The following DIPK1A variants were observed in gnomAD, a reference collection of about 807,000 sequenced individuals.
The protein encoded by DIPK1A is divergent protein kinase domain 1A.
A neutral mutation model predicts 40.8 loss-of-function variants in DIPK1A; 27 were observed. The ratio of observed to expected loss-of-function variants is 0.66; its 90% CI spans 0.49 to 0.91. The LOEUF (loss-of-function observed/expected upper bound fraction) is 0.91, where lower values mean the gene tolerates loss of function less well. DIPK1A is among the 40% of genes least tolerant of loss of function. DIPK1A has a pLI of 0.00. For missense variants in DIPK1A, 412 were observed against 505.7 expected (o/e 0.81, Z 1.78); for synonymous variants, 166 against 171.3 (o/e 0.97, Z 0.24).
chr1:92,865,041 C>CAAAAAAAAA (rs56735279), intron 2 of DIPK1A, among the ~76,000 whole-genome samples: 2 of 70,448 alleles, frequency 2.8e-5, no homozygotes, highest in African/African-American at 5.9e-5. Context: ...GACTCCGTCT[C>CAAAAAAAAA]AAAAAAAAAA....
chr1:92,840,030 T>A (rs1332099161), downstream of DIPK1A, among the ~76,000 whole-genome samples: 1 of 151,378 alleles, frequency 6.6e-6, no homozygotes, highest in Non-Finnish European at 1.5e-5. Flanking sequence ...TTTTTTTAAT[T>A]TTTGGTAGAG....
chr1:92,946,815 T>C (rs1651383589), intron 1 of DIPK1A, among the ~76,000 whole-genome samples: 1 of 151,912 alleles, frequency 6.6e-6, no homozygotes, highest in South Asian at 2.1e-4. Flanking sequence ...CTGGTGGCAC[T>C]TGTCTATGGT....
At chr1:92,891,216 T>G (rs1312644098) in intron 1 of DIPK1A, among the ~76,000 whole-genome samples, 4 of 152,112 alleles carry the variant, frequency 2.6e-5, no homozygotes, top group Admixed American at 2.6e-4. Flanking sequence ...CTCTTTTTTC[T>G]TGGTTAGTCC....
intron 3 of DIPK1A, among the ~76,000 whole-genome samples, chr1:92,847,678 A>G (rs981655180): frequency 8.5e-5 from 13 of 152,210 alleles, no homozygotes; most frequent in African/African-American, 2.9e-4. Flanking sequence ...ATTAACTACT[A>G]TTTAAGTATC....
At chr1:92,896,121 C>T (rs1286194167) in intron 1 of DIPK1A, among the ~76,000 whole-genome samples, 1 of 152,164 alleles carries the variant, frequency 6.6e-6, no homozygotes, top group Non-Finnish European at 1.5e-5. Context: ...ATCAAGCTAC[C>T]AATGACTTTC....
rs181812622 is a variant in DIPK1A, at chr1:92,867,296, C to T, written c.189+9000G>A. 2.2e-3 allele frequency among the ~76,000 whole-genome samples: 337 copies of T among 150,876 alleles called. 2 individuals carry two copies. The highest frequency in any genetic ancestry group is 7.7e-3 in the African/African-American group (317 of 41,016). On this transcript the variant is annotated intron_variant, in intron 2 of 4. Coordinates refer to ENST00000370310, the MANE Select transcript of DIPK1A (RefSeq NM_001006605.5). ...GTCTTGATCTCTTGACCTCGTGATC[C>T]GCCCGCCTCGGCCTCCCAAAGTGCT...
At chr1:92,846,558 C>T (rs757008824) in intron 4 of DIPK1A, 15 of 432,364 alleles carry the variant, frequency 3.5e-5, no homozygotes, top group South Asian at 2.4e-4. Flanking sequence ...TGAACTCCCT[C>T]CTCATATCTG....
At chr1:92,850,250 G>A (rs371101481) in intron 3 of DIPK1A, among the ~76,000 whole-genome samples, 6 of 152,270 alleles carry the variant, frequency 3.9e-5, no homozygotes, top group South Asian at 4.1e-4. Context: ...GATTACATGC[G>A]TGAGCCACCG....
chr1:92,918,376 T>C (rs1650137268), intron 1 of DIPK1A, among the ~76,000 whole-genome samples: 1 of 152,200 alleles, frequency 6.6e-6, no homozygotes, highest in Non-Finnish European at 1.5e-5. Context: ...CTTGAACTCT[T>C]CACCTCAGGT....
At chr1:92,936,553 C>T (rs992668483) in intron 1 of DIPK1A, among the ~76,000 whole-genome samples, 8 of 150,400 alleles carry the variant, frequency 5.3e-5, no homozygotes, top group Non-Finnish European at 8.9e-5. Context: ...TGCTTGAACC[C>T]GGGACGCTGA....
chr1:92,927,977 G>A (rs535330813), intron 1 of DIPK1A, among the ~76,000 whole-genome samples: 1 of 152,206 alleles, frequency 6.6e-6, no homozygotes, highest in South Asian at 2.1e-4. Flanking sequence ...ATATATCTAG[G>A]AGGGGAACTG....
rs766297548 is a variant in DIPK1A at position 92,873,994 on chromosome 1, T to C, written c.189+2302A>G. Among the ~76,000 whole-genome samples, 12 of 152,304 alleles carry C rather than the reference T, an allele frequency of 7.9e-5. No individual in the cohort carries two copies. In the South Asian group the frequency reaches 8.3e-4, roughly 11 times the overall value. Reference sequence around the variant, plus strand: ...TTGACTTTAGTACTACTACTTATGATAGGTTTTAAGAACATAATCCCAAAT... The same window carrying C: ...TTGACTTTAGTACTACTACTTATGACAGGTTTTAAGAACATAATCCCAAAT... On this transcript the variant is annotated intron_variant, in intron 2 of 4. Coordinates refer to ENST00000370310, the MANE Select transcript of DIPK1A (RefSeq NM_001006605.5).
At chr1:92,844,238 C>T in intron 4 of DIPK1A, 43 bp from the exon 5 acceptor site, 2 of 1,233,476 alleles carry the variant, frequency 1.6e-6, no homozygotes, top group Non-Finnish European at 2.3e-6. Context: ...ATGAAAAATA[C>T]CTCCCATGCA....
intron 1 of DIPK1A, among the ~76,000 whole-genome samples, chr1:92,950,830 A>C (rs1466218616): frequency 6.6e-6 from 1 of 152,218 alleles, no homozygotes; most frequent in African/African-American, 2.4e-5. Flanking sequence ...TTTCATAGTT[A>C]TTGCCAGAAG....
rs757968914 is a variant in DIPK1A at position 92,844,089 on chromosome 1, G to A, written c.581C>T (p.Ala194Val). 9 of 1,551,726 alleles carry A rather than the reference G, an allele frequency of 5.8e-6. No individual in the cohort carries two copies. The highest frequency in any genetic ancestry group is 7.8e-6 in the Non-Finnish European group (9 of 1,147,028). ...GQVSLGEAKS[A>V]WALLQLNEFL... is the part of the protein sequence containing the mutation. ...TTCATTCAGTTGAAGAAGTGCCCAT[G>A]CCGACTTTGCTTCTCCCAAGGAAAC... The change falls in exon 5 of 5, where the codon GCA becomes GTA. Residue 194 changes from alanine to valine, a missense_variant. Coordinates refer to ENST00000370310, the MANE Select transcript of DIPK1A (RefSeq NM_001006605.5).
At chr1:92,903,596 C>T (rs2100825184) in intron 1 of DIPK1A, among the ~76,000 whole-genome samples, 1 of 152,242 alleles carries the variant, frequency 6.6e-6, no homozygotes, top group African/African-American at 2.4e-5. Flanking sequence ...TGCAGAATTT[C>T]AGGAATTTAT....
intron 1 of DIPK1A, among the ~76,000 whole-genome samples, chr1:92,900,555 A>G (rs1309755927): frequency 2.6e-5 from 4 of 152,078 alleles, no homozygotes; most frequent in East Asian, 1.9e-4. Flanking sequence ...TTGTATCTCA[A>G]TGAGTTTCCC....
chr1:92,948,797 G>GTA lies in DIPK1A; in HGVS notation c.54+12577_54+12578dup, dbSNP rs574751964. 5.5e-3 allele frequency among the ~76,000 whole-genome samples: 782 copies of GTA among 143,118 alleles called. 3 individuals are homozygous for GTA. The highest frequency in any genetic ancestry group is 0.011 in the African/African-American group (406 of 38,254). The allele number at this position is 143,118 out of a possible 152,430, so 93.9% of individuals were successfully genotyped here. On this transcript the variant is annotated intron_variant, in intron 1 of 4. Coordinates refer to ENST00000370310, the MANE Select transcript of DIPK1A (RefSeq NM_001006605.5). ...TGTGTGTATATATATATATGTGTGT[G>GTA]TATATATATATATTTTTCCCCCCTG...
At position 92,911,649 on chromosome 1, in the gene DIPK1A, T is replaced by G. The variant is rs537089876; in HGVS notation, c.55-35219A>C. Among the ~76,000 whole-genome samples, 4 of 152,330 alleles carry G rather than the reference T, an allele frequency of 2.6e-5. No individual in the cohort carries two copies. The South Asian group carries it at 6.2e-4, about 24-fold the overall frequency. ...CATATTTATATGAAGGTTTTTATGT[T>G]AAATTTTCATTTCTCTGGAATAAAT... On this transcript the variant is annotated intron_variant, in intron 1 of 4. Transcript: ENST00000370310.
Sources: allele counts gnomAD v4.1 joint callset (sites outside exome capture counted in the v4.1 genomes callset), GRCh38; gene constraint gnomAD v4.1.1; transcripts MANE v1.5; gene names NCBI Gene and HGNC (gene_info 2026-07-23, HGNC 2026-07-21).